SALL2: variants seen among roughly 807,000 people sequenced by gnomAD.
SALL2 encodes the protein sal-like protein 2.
A neutral mutation model predicts 58.5 loss-of-function variants in SALL2; 32 were observed. The observed-to-expected ratio is 0.55, with a 90% confidence interval of 0.41 to 0.74. SALL2 has a LOEUF of 0.74. Among genes scored for constraint, SALL2 ranks in the 30% least tolerant of loss-of-function variants. The pLI is 0.00. For missense variants in SALL2, 1,201 were observed against 1,268.9 expected, an observed-to-expected ratio of 0.95 and a Z score of 0.81; for synonymous variants, 516 against 513.6, an observed-to-expected ratio of 1.00 and a Z score of -0.06.
At position 21,522,531 on chromosome 14, in the gene SALL2, C is replaced by A; in HGVS notation, c.*173G>T. ...AGAAAAATTCCTTAGGGGGCCATCC[C>A]CTTGTAAGCACAGTAATTTCCAAGC... On this transcript the variant is annotated 3_prime_UTR_variant, in exon 2 of 2. Coordinates refer to ENST00000537235, the MANE Select transcript of SALL2 (RefSeq NM_001364564.1). 7.2e-7 allele frequency: 1 copy of A among 1,386,838 alleles called. No individual in the cohort carries two copies. Among genetic ancestry groups the A allele is most frequent in the Non-Finnish European group, 9.3e-7 (1 of 1,074,690 alleles). 85.9% of individuals were successfully genotyped at this position (1,386,838 alleles called of 1,614,324 possible).
chr14:21,535,366 G>GAA (rs1892571557), intron 1 of SALL2, among the ~76,000 whole-genome samples: 1 of 146,122 alleles, frequency 6.8e-6, no homozygotes, highest in African/African-American at 2.5e-5. Context: ...AAGAAAAAAA[G>GAA]AAAAAGAAAA....
At chr14:21,533,549 C>T (rs77050396) in intron 1 of SALL2, among the ~76,000 whole-genome samples, 1 of 151,570 alleles carries the variant, frequency 6.6e-6, no homozygotes, top group African/African-American at 2.4e-5. Context: ...CCAGTCACAT[C>T]CTTTGTGTTC....
chr14:21,523,444 A>C lies in SALL2; in HGVS notation c.2278T>G (p.Leu760Val), dbSNP rs748866834. The C allele has an allele frequency of 6.2e-7, 1 of 1,612,302 alleles. No homozygotes were observed. The highest frequency in any genetic ancestry group is 1.1e-5 in the South Asian group (1 of 90,974). The change falls in exon 2 of 2, where the codon TTG becomes GTG. Residue 760 changes from leucine to valine, a missense_variant. By Grantham distance (32) the Leu-to-Val change is conservative (BLOSUM62 1). Transcript: ENST00000537235. This position sits in a 1 kb window ranked among gnomAD's most constrained non-coding sequence, Gnocchi z 4.4. ...QSQQPSPEEE[L>V]SEEEEEEDEE... ...TCCTCCTCTTCCTCCTCCTCAGACA[A>C]CTCCTCTTCCGGTGATGGCTGCTGG...
chr14:21,524,164 T>C lies in SALL2; in HGVS notation c.1558A>G (p.Lys520Glu). ...CCTGGGGGGGTGTTTTCATCAGCTT[T>C]ATTCTTGGGTTCCACTGCTTTCATG... Reference protein sequence around the residue: ...VLMKAVEPKNKADENTPPGSE... With the variant: ...VLMKAVEPKNEADENTPPGSE... The change falls in exon 2 of 2, where the codon AAA becomes GAA. Residue 520 changes from lysine (K) to glutamate (E), a missense_variant. Coordinates refer to ENST00000537235, the MANE Select transcript of SALL2 (RefSeq NM_001364564.1). 6.2e-7 allele frequency: 1 copy of C among 1,612,544 alleles called. No homozygotes were observed. The highest frequency in any genetic ancestry group is 8.5e-7 in the Non-Finnish European group (1 of 1,179,272).
chr14:21,521,726 A>T lies in SALL2; in HGVS notation c.*978T>A, dbSNP rs1026649042. On this transcript the variant is annotated 3_prime_UTR_variant, in exon 2 of 2. Transcript: ENST00000537235. ...CCAAAAATGCTCCTTAAAGATACGAACTTCACATTTCCCAAATATCTCCTG... is the reference window on the plus strand; with the variant it reads ...CCAAAAATGCTCCTTAAAGATACGATCTTCACATTTCCCAAATATCTCCTG... 1 of 380,948 alleles carries T rather than the reference A, an allele frequency of 2.6e-6. No homozygotes were observed. Among genetic ancestry groups the T allele is most frequent in the Non-Finnish European group, 4.8e-6 (1 of 206,538 alleles). The allele number at this position is 380,948 out of a possible 1,614,324, so 23.6% of individuals were successfully genotyped here.
upstream of SALL2, chr14:21,526,545 C>T (rs1238377171): frequency 6.3e-6 from 7 of 1,114,832 alleles, no homozygotes; most frequent in African/African-American, 3.3e-5. Flanking sequence ...GGCCAGCTCC[C>T]CCCATCTGCA....
Position 21,523,607 on chromosome 14 carries a change from C to T in SALL2, c.2115G>A (p.Gln705=), listed in dbSNP as rs779806811. 3 of 1,614,252 alleles carry T rather than the reference C, an allele frequency of 1.9e-6. No individual in the cohort carries two copies. In the South Asian group the frequency reaches 3.3e-5, roughly 18 times the overall value. Residue 705 remains glutamine (Q), a synonymous_variant, in exon 2 of 2, where the codon CAG becomes CAA. Transcript: ENST00000537235. This position sits in a 1 kb window ranked among gnomAD's most constrained non-coding sequence, Gnocchi z 4.4. ...QKKFTNAVTL[Q]QHVRMHLGGQ... is the part of the protein sequence containing the mutation. ...CCCCCAGGTGCATCCGGACATGCTG[C>T]TGCAGAGTGACAGCATTGGTGAACT...
At position 21,524,141 on chromosome 14, in the gene SALL2, TG is replaced by T. The variant is rs755171367; in HGVS notation, c.1580del (p.Pro527GlnfsTer22). The T allele has an allele frequency of 3.7e-6, 6 of 1,612,682 alleles. No individual in the cohort carries two copies. The highest frequency in any genetic ancestry group is 5.1e-6 in the Non-Finnish European group (6 of 1,179,240). ...PKNKADENTP[P>X]GSEGSAISGV... Reference sequence around the variant, plus strand: ...CACTGATGGCTGAGCCCTCACTCCCTGGGGGGGTGTTTTCATCAGCTTTATT... The same window carrying T: ...CACTGATGGCTGAGCCCTCACTCCCTGGGGGGTGTTTTCATCAGCTTTATT... On this transcript the variant is annotated frameshift_variant, in exon 2 of 2. Transcript: ENST00000537235. LOFTEE classifies it high-confidence loss of function.
chr14:21,529,256 C>T (rs1027340326), upstream of SALL2, among the ~76,000 whole-genome samples: 8 of 152,102 alleles, frequency 5.3e-5, no homozygotes, highest in South Asian at 2.1e-4. Flanking sequence ...AAGCTATCTC[C>T]GGTCAAATGC....
In SALL2 at chr14:21,525,629, G is replaced by C. The variant is rs769955132; in HGVS notation, c.93C>G (p.Pro31=). 1.1e-5 allele frequency: 18 copies of C among 1,588,984 alleles called. No individual in the cohort carries two copies. The highest frequency in any genetic ancestry group is 1.5e-5 in the Non-Finnish European group (17 of 1,165,426). Residue 31 remains proline (P), a synonymous_variant, in exon 2 of 2, where the codon CCC becomes CCG. Transcript: ENST00000537235. This position sits in a 1 kb window ranked among gnomAD's most constrained non-coding sequence, Gnocchi z 4.4. ...GTGCGCAGCACTTGGCACAGACTTG[G>C]GGGTGATCCTCCTCGCTAGCATCAC... The part of the protein sequence containing the change: ...LGGDASEEDH[P]QVCAKCCAQF...
chr14:21,535,902 G>C (rs540138253), intron 1 of SALL2, among the ~76,000 whole-genome samples: 4 of 152,272 alleles, frequency 2.6e-5, no homozygotes, highest in African/African-American at 9.6e-5. Context: ...CCCACACCCT[G>C]GCTCAGATGT....
In SALL2 at chr14:21,521,905, C is replaced by G; in HGVS notation, c.*799G>C. On this transcript the variant is annotated 3_prime_UTR_variant, in exon 2 of 2. Coordinates refer to ENST00000537235, the MANE Select transcript of SALL2 (RefSeq NM_001364564.1). ...CTGGGAAAATTTTCCTATGCCCTTC[C>G]TTCATTTCTCCCTACTTCCTAGGGT... is the stretch of plus-strand genomic sequence containing the variant. 1 of 1,397,788 alleles carries G rather than the reference C, an allele frequency of 7.2e-7. No individual in the cohort carries two copies. The highest frequency in any genetic ancestry group is 2.5e-5 in the East Asian group (1 of 39,754). 86.6% of individuals were successfully genotyped at this position (1,397,788 alleles called of 1,614,324 possible). A position where few individuals can be genotyped will look rare whatever the true frequency, so the allele number is the denominator to read the frequency against.
chr14:21,526,014 T>TCCCCCCCCCCCCCCCCCCCCCCCCC, intron 1 of SALL2, 47 bp downstream of exon 1: 1 of 1,041,060 alleles, frequency 9.6e-7, no homozygotes. Flanking sequence ...CCCCTGCGCA[T>TCCCCCCCCCCCCCCCCCCCCCCCCC]CCCCCTCCGC....
upstream of SALL2, among the ~76,000 whole-genome samples, chr14:21,529,917 G>C (rs991082145): frequency 6.6e-6 from 1 of 152,184 alleles, no homozygotes; most frequent in African/African-American, 2.4e-5. Context: ...ATTCCAATGA[G>C]AATACAAAGA....
rs1013863597 is a variant in SALL2, at chr14:21,523,152, A to C, written c.2570T>G (p.Val857Gly). The change falls in exon 2 of 2, where the codon GTT becomes GGT. Residue 857 changes from valine (V) to glycine (G), a missense_variant. Physicochemically the swap from Val to Gly is moderately radical, Grantham distance 109 (BLOSUM62 -3). Transcript: ENST00000537235. The surrounding 1 kb of genome is among the most constrained non-coding windows in gnomAD (Gnocchi z 4.4). ...PQPMEQGSSG[V>G]LGGKEEGGKP... ...GCCCCCCTCTTCCTTGCCTCCTAAA[A>C]CACCACTGCTTCCCTGCTCCATTGG... The C allele has an allele frequency of 4.3e-6, 7 of 1,613,936 alleles. No individual in the cohort carries two copies. The highest frequency in any genetic ancestry group is 2.2e-5 in the East Asian group (1 of 44,860).
chr14:21,536,955 C>T (rs1892613765), intron 1 of SALL2: 6 of 1,600,912 alleles, frequency 3.7e-6, no homozygotes, highest in African/African-American at 1.3e-5. Context: ...GGAGGGGCAA[C>T]GCTCACTTGG....
In SALL2 at chr14:21,522,737, G is replaced by T; in HGVS notation, c.2985C>A (p.Pro995=). 2.0e-6 allele frequency: 3 copies of T among 1,533,190 alleles called. No individual in the cohort carries two copies. The highest frequency in any genetic ancestry group is 2.6e-6 in the Non-Finnish European group (3 of 1,142,976). The allele number at this position is 1,533,190 out of a possible 1,614,324, so 95.0% of individuals were successfully genotyped here. A position where few individuals can be genotyped will look rare whatever the true frequency, so the allele number is the denominator to read the frequency against. ...TCGTGGGGTCATCTTTTCGGGGAAA[G>T]GGGGAGAGCCCTGTGGAGGTGATGG... The part of the protein sequence containing the change: ...SPSITSTGLS[P]FPRKDDPTIP The change falls in exon 2 of 2, where the codon CCC becomes CCA. Residue 995 remains proline (P), a synonymous_variant. Coordinates refer to ENST00000537235, the MANE Select transcript of SALL2 (RefSeq NM_001364564.1).
chr14:21,527,679 A>G (rs1892357968), upstream of SALL2, among the ~76,000 whole-genome samples: 1 of 152,150 alleles, frequency 6.6e-6, no homozygotes, highest in Non-Finnish European at 1.5e-5. Context: ...GAAAAATTGG[A>G]CAATATTAAT....
chr14:21,522,026 G>A lies in SALL2; in HGVS notation c.*678C>T, dbSNP rs773983612. 46 of 1,593,176 alleles carry A rather than the reference G, an allele frequency of 2.9e-5. No individual in the cohort carries two copies. The highest frequency in any genetic ancestry group is 3.6e-5 in the Non-Finnish European group (42 of 1,177,470). ...CAGTTTGCTACTTCTTGTCTATGAT[G>A]GGCTTCTCAGGCACTGCCTTGGGTG... On this transcript the variant is annotated 3_prime_UTR_variant, in exon 2 of 2. Transcript: ENST00000537235.
Sources: allele counts gnomAD v4.1 joint callset (sites outside exome capture counted in the v4.1 genomes callset), GRCh38; gene constraint gnomAD v4.1.1; non-coding constraint Gnocchi (gnomAD v3.1); transcripts MANE v1.5; gene names NCBI Gene and HGNC (gene_info 2026-07-23, HGNC 2026-07-21).